Variants in AATK observed in about 807,000 individuals in gnomAD.
AATK encodes serine/threonine-protein kinase LMTK1.
AATK carries 91 observed loss-of-function variants against 114.3 expected under a neutral mutation model. That is an observed-to-expected ratio of 0.80 (90% confidence interval 0.67 to 0.95). The LOEUF is 0.95. AATK is among the 40% of genes least tolerant of loss of function. The probability of loss-of-function intolerance (pLI) is 0.00; values close to 1 mark genes in which losing one functional copy is unlikely to be tolerated. For synonymous variants in AATK, 1,075 were observed against 916.5 expected (o/e 1.17, Z -3.12); for missense variants, 2,176 against 1,965.2 (o/e 1.11, Z -2.03).
intron 1 of AATK, among the ~76,000 whole-genome samples, chr17:81,146,180 C>T (rs909745911): frequency 2.2e-4 from 30 of 139,028 alleles, no homozygotes; most frequent in Non-Finnish European, 3.1e-4. Context: ...GAGAGCGAGA[C>T]TCCATATTAA....
chr17:81,132,886 CAGG>C lies in AATK; in HGVS notation c.189+1479_189+1481del, dbSNP rs1489001044. 2.8e-5 allele frequency: 7 copies of C among 245,818 alleles called. No individual in the cohort carries two copies. In the Admixed American group the frequency reaches 3.1e-4, roughly 11 times the overall value. The allele number at this position is 245,818 out of a possible 1,614,324, so 15.2% of individuals were successfully genotyped here. ...TGTTCCCAAGGAGGTGAGGAGGGCG[CAGG>C]AGGAGGAGCTATGGCCAGCCCTTGT... is the stretch of plus-strand genomic sequence containing the variant. On this transcript the variant is annotated intron_variant, in intron 2 of 13. Coordinates refer to ENST00000326724, the MANE Select transcript of AATK (RefSeq NM_001080395.3).
At chr17:81,124,227 ACCACTCCCCTGGCGGCTCG>A in intron 9 of AATK, among the ~76,000 whole-genome samples, 2 of 151,998 alleles carry the variant, frequency 1.3e-5, no homozygotes, top group African/African-American at 4.8e-5. Flanking sequence ...CCCGGGGCGG[ACCACTCCCCTGGCGGCTCG>A]GCCCTGCCCC....
chr17:81,149,362 C>T (rs2061265499), intron 1 of AATK, among the ~76,000 whole-genome samples: 1 of 152,160 alleles, frequency 6.6e-6, no homozygotes, highest in South Asian at 2.1e-4. Flanking sequence ...AGGCTAGTTC[C>T]CCATGCGGTC....
At chr17:81,136,432 C>T (rs1323849817) in intron 1 of AATK, among the ~76,000 whole-genome samples, 2 of 152,200 alleles carry the variant, frequency 1.3e-5, no homozygotes, top group Non-Finnish European at 2.9e-5. Context: ...CTGGGCTCCC[C>T]TCCCATGGCC....
At position 81,156,945 on chromosome 17, in the gene AATK, C is replaced by T. The variant is rs117126256; in HGVS notation, c.55+8993G>A. On this transcript the variant is annotated intron_variant, in intron 1 of 13. Transcript: ENST00000326724. Reference sequence around the variant, plus strand: ...GGCCCTGGGCGGGGTACGGCAAGACCCCACAGGCCTCCCGACACAGGGGAG... The same window carrying T: ...GGCCCTGGGCGGGGTACGGCAAGACTCCACAGGCCTCCCGACACAGGGGAG... Among the ~76,000 whole-genome samples, 1,149 of 152,256 alleles carry T rather than the reference C, an allele frequency of 7.5e-3. 6 individuals carry two copies. Among genetic ancestry groups the T allele is most frequent in the Admixed American group, 0.013 (204 of 15,298 alleles).
intron 9 of AATK, 21 bp downstream of exon 9, chr17:81,124,706 T>G: frequency 6.2e-7 from 1 of 1,608,020 alleles, no homozygotes; most frequent in Non-Finnish European, 8.5e-7. Context: ...CCCCTCACGG[T>G]GCCACCAGGG....
In AATK at chr17:81,153,587, G is replaced by A. The variant is rs556988894; in HGVS notation, c.55+12351C>T. ...CTGACTGGCTCGAAAATACTCGTGC[G>A]TATGGCAGGATGAGAGGATGCTTTG... is the stretch of plus-strand genomic sequence containing the variant. On this transcript the variant is annotated intron_variant, in intron 1 of 13. Transcript: ENST00000326724. Among the ~76,000 whole-genome samples, 7 of 152,148 alleles carry A rather than the reference G, an allele frequency of 4.6e-5. No homozygotes were observed. In the East Asian group the frequency reaches 5.8e-4, roughly 13 times the overall value.
rs2146288954 is a variant in AATK, at chr17:81,122,579, A to G, written c.1357T>C (p.Phe453Leu). The change falls in exon 11 of 14, where the codon TTC (phenylalanine) becomes CTC (leucine). Residue 453 changes from phenylalanine to leucine, a missense_variant. Around this residue, in one of 4 missense-constraint regions of AATK, gnomAD observed 1,701 missense variants for 1,394.7 expected, o/e 1.22. Transcript: ENST00000326724. Reference sequence around the variant, plus strand: ...TCCGCGTGGAAGCCGTCGCCCGCGAACTGCTCCAGCAGCGGGAAGGACGAG... The same window carrying G: ...TCCGCGTGGAAGCCGTCGCCCGCGAGCTGCTCCAGCAGCGGGAAGGACGAG... ...AASSFPLLEQ[F>L]AGDGFHADGD... 1 of 1,458,088 alleles carries G rather than the reference A, an allele frequency of 6.9e-7. No individual in the cohort carries two copies. The highest frequency in any genetic ancestry group is 1.3e-5 in the South Asian group (1 of 78,400). 90.3% of individuals were successfully genotyped at this position (1,458,088 alleles called of 1,614,324 possible). A position where few individuals can be genotyped will look rare whatever the true frequency, so the allele number is the denominator to read the frequency against.
chr17:81,119,775 C>T (rs933699437), intron 12 of AATK, among the ~76,000 whole-genome samples, 161 bp downstream of exon 12: 9 of 151,462 alleles, frequency 5.9e-5, no homozygotes, highest in Admixed American at 5.2e-4. Context: ...CGTCACGTAC[C>T]AGACCCGCCT....
chr17:81,160,098 G>T, intron 1 of AATK: 1 of 264,752 alleles, frequency 3.8e-6, no homozygotes, highest in Non-Finnish European at 5.8e-6. Flanking sequence ...ATCGCCCACT[G>T]CAGAGGCCCT....
rs965459236 is a variant in AATK, at chr17:81,149,904, C to G, written c.56-15403G>C. On this transcript the variant is annotated intron_variant, in intron 1 of 13. Transcript: ENST00000326724. ...GGCATGTCCCTCTGGTCCGACAGCTCAAGCCCCTGAGGAAGGTGAGCAGCT... is the reference window on the plus strand; with the variant it reads ...GGCATGTCCCTCTGGTCCGACAGCTGAAGCCCCTGAGGAAGGTGAGCAGCT... 5.9e-5 allele frequency among the ~76,000 whole-genome samples: 9 copies of G among 152,186 alleles called. No individual in the cohort carries two copies. The South Asian group carries it at 6.2e-4, about 10-fold the overall frequency.
rs866003426 is a variant in AATK, at chr17:81,134,303, C to G, written c.189+65G>C. 9 of 1,585,832 alleles carry G rather than the reference C, an allele frequency of 5.7e-6. No individual in the cohort carries two copies. In the African/African-American group the frequency reaches 9.4e-5, roughly 17 times the overall value. Reference sequence around the variant, plus strand: ...CCCAGGAAGGAGGGAAGCTCAGGGTCAAGTGGACGCTACAGGCCTTGCCTG... The same window carrying G: ...CCCAGGAAGGAGGGAAGCTCAGGGTGAAGTGGACGCTACAGGCCTTGCCTG... On this transcript the variant is annotated intron_variant, in intron 2 of 13. Coordinates refer to ENST00000326724, the MANE Select transcript of AATK (RefSeq NM_001080395.3).
At position 81,133,173 on chromosome 17, in the gene AATK, G is replaced by A. The variant is rs370019953; in HGVS notation, c.189+1195C>T. 406 of 473,630 alleles carry A rather than the reference G, an allele frequency of 8.6e-4. 7 individuals are homozygous for A. The highest frequency in any genetic ancestry group is 5.4e-3 in the South Asian group (354 of 64,992). 29.3% of individuals were successfully genotyped at this position (473,630 alleles called of 1,614,324 possible). ...GGCCACAGCTTTGCCCCCCAGGCACGCAGCTCCTCACTGGTTGATGGGGCC... is the reference window on the plus strand; with the variant it reads ...GGCCACAGCTTTGCCCCCCAGGCACACAGCTCCTCACTGGTTGATGGGGCC... On this transcript the variant is annotated intron_variant, in intron 2 of 13. Transcript: ENST00000326724.
Position 81,127,778 on chromosome 17 carries a change from C to G in AATK, c.533+14G>C. 1.3e-6 allele frequency: 2 copies of G among 1,503,372 alleles called. No homozygotes were observed. Among genetic ancestry groups the G allele is most frequent in the Non-Finnish European group, 1.8e-6 (2 of 1,105,830 alleles). The allele number at this position is 1,503,372 out of a possible 1,614,324, so 93.1% of individuals were successfully genotyped here. A position where few individuals can be genotyped will look rare whatever the true frequency, so the allele number is the denominator to read the frequency against. ...GCCGCACAGCACAGGCCTTTGTGCC[C>G]GGTGGCCTCCCACCTGTAGGGCTGC... On this transcript the variant is annotated intron_variant, in intron 5 of 13. Transcript: ENST00000326724.
intron 6 of AATK, among the ~76,000 whole-genome samples, chr17:81,127,275 C>G (rs12449399): frequency 6.6e-6 from 1 of 151,830 alleles, no homozygotes; most frequent in Non-Finnish European, 1.5e-5. Context: ...TGCCCCCCCC[C>G]AGTTGGCCCA....
At chr17:81,153,758 C>T (rs1324753457) in intron 1 of AATK, among the ~76,000 whole-genome samples, 1 of 152,132 alleles carries the variant, frequency 6.6e-6, no homozygotes, top group Non-Finnish European at 1.5e-5. Context: ...AATGCTCATG[C>T]AGTACGGGCT....
intron 1 of AATK, among the ~76,000 whole-genome samples, chr17:81,147,446 TA>T (rs1169335853): frequency 6.6e-6 from 1 of 150,528 alleles, no homozygotes; most frequent in East Asian, 2.0e-4. Context: ...ATCTGCAAAA[TA>T]AGCCATAAAA....
chr17:81,144,060 GC>G (rs946369326), intron 1 of AATK, among the ~76,000 whole-genome samples: 3 of 152,130 alleles, frequency 2.0e-5, no homozygotes, highest in African/African-American at 7.2e-5. Flanking sequence ...GTGGCTCTCT[GC>G]CCCCACCCCT....
Position 81,120,043 on chromosome 17 carries a change from G to A in AATK, c.3776C>T (p.Ala1259Val). ...TRELGEPFPG[A>V]KESPPTFLRG... ...AAGGAACGTAGGGGGCGATTCCTTG[G>A]CGCCCGGGAAGGGCTCCCCGAGCTC... Residue 1259 changes from alanine (A) to valine (V), a missense_variant, in exon 12 of 14, where the codon GCC (alanine) becomes GTC (valine). By Grantham distance (64) the Ala-to-Val change is moderately conservative. Around this residue, in one of 4 missense-constraint regions of AATK, gnomAD observed 1,701 missense variants for 1,394.7 expected, o/e 1.22. Transcript: ENST00000326724. 2 of 1,456,446 alleles carry A rather than the reference G, an allele frequency of 1.4e-6. No homozygotes were observed. Among genetic ancestry groups the A allele is most frequent in the Non-Finnish European group, 1.8e-6 (2 of 1,101,892 alleles). The allele number at this position is 1,456,446 out of a possible 1,614,324, so 90.2% of individuals were successfully genotyped here. A position where few individuals can be genotyped will look rare whatever the true frequency, so the allele number is the denominator to read the frequency against.
Sources: allele counts gnomAD v4.1 joint callset (sites outside exome capture counted in the v4.1 genomes callset), GRCh38; gene constraint gnomAD v4.1.1; regional missense constraint gnomAD v4.1.1; transcripts MANE v1.5; gene names NCBI Gene and HGNC (gene_info 2026-07-23, HGNC 2026-07-21).